Variants in PDZD2 observed in about 807,000 individuals in gnomAD.
PDZD2 encodes PDZ domain-containing protein 2.
In PDZD2, 90 loss-of-function variants were observed where a neutral mutation model predicts 220.7. The ratio of observed to expected loss-of-function variants is 0.41; its 90% confidence interval spans 0.34 to 0.49. PDZD2 has a LOEUF of 0.49. Among genes scored for constraint, PDZD2 ranks in the 20% least tolerant of loss-of-function variants. The pLI is 0.28. For missense variants in PDZD2, 3,174 were observed against 3,608.5 expected, an observed-to-expected ratio of 0.88 and a Z score of 3.08; for synonymous variants, 1,375 against 1,450.5, an observed-to-expected ratio of 0.95 and a Z score of 1.18.
chr5:31,710,543 C>A (rs1388303689), intron 1 of PDZD2, among the ~76,000 whole-genome samples: 1 of 152,104 alleles, frequency 6.6e-6, no homozygotes, highest in Non-Finnish European at 1.5e-5. Context: ...TATGGCCAGG[C>A]GTGGTGGCTC....
At chr5:32,096,624 A>AT (rs1394217462) in intron 21 of PDZD2, among the ~76,000 whole-genome samples, 6 of 151,884 alleles carry the variant, frequency 4.0e-5, no homozygotes, top group South Asian at 2.1e-4. Context: ...TAGCCATGCT[A>AT]TTTTTTTGGC....
chr5:31,775,521 C>T (rs1000832850), intron 1 of PDZD2, among the ~76,000 whole-genome samples: 8 of 152,086 alleles, frequency 5.3e-5, no homozygotes, highest in African/African-American at 1.7e-4. Context: ...AAATTTGTCC[C>T]TACTCCAGTC....
chr5:31,821,770 C>G (rs952668551), intron 2 of PDZD2, among the ~76,000 whole-genome samples: 1 of 152,032 alleles, frequency 6.6e-6, no homozygotes, highest in Non-Finnish European at 1.5e-5. Flanking sequence ...TTGTGGTTTG[C>G]TGCGCCCATC....
chr5:32,097,420 C>G (rs377307292), intron 22 of PDZD2, 40 bp downstream of exon 22: 12 of 1,186,352 alleles, frequency 1.0e-5, no homozygotes, highest in African/African-American at 6.0e-5. Flanking sequence ...AAAATCCCCC[C>G]TCAAGCAGCC....
chr5:31,732,601 G>A (rs1048453253), intron 1 of PDZD2, among the ~76,000 whole-genome samples: 6 of 152,216 alleles, frequency 3.9e-5, no homozygotes, highest in Admixed American at 6.5e-5. Context: ...GCAGATGCTT[G>A]AAAGAATTTG....
chr5:32,012,889 A>G (rs1240789709), intron 6 of PDZD2, among the ~76,000 whole-genome samples: 1 of 151,864 alleles, frequency 6.6e-6, no homozygotes, highest in East Asian at 1.9e-4. Flanking sequence ...TATAATTCTA[A>G]TGACTACATA....
intron 2 of PDZD2, among the ~76,000 whole-genome samples, chr5:31,879,456 T>C (rs1739661068): frequency 6.6e-6 from 1 of 151,706 alleles, no homozygotes; most frequent in Non-Finnish European, 1.5e-5. Flanking sequence ...TCACACACAC[T>C]ATTTTTTTTT....
At chr5:31,907,653 T>C (rs1742776766) in intron 2 of PDZD2, among the ~76,000 whole-genome samples, 1 of 152,182 alleles carries the variant, frequency 6.6e-6, no homozygotes, top group African/African-American at 2.4e-5. Flanking sequence ...AATACAATAT[T>C]TTATATGTTT....
At chr5:31,772,689 A>G (rs79467774) in intron 1 of PDZD2, among the ~76,000 whole-genome samples, 2,927 of 152,310 alleles carry the variant, frequency 0.019, 109 homozygotes, top group African/African-American at 0.068. Flanking sequence ...TTAAATTTCT[A>G]TCTTAAAAGT....
intron 2 of PDZD2, among the ~76,000 whole-genome samples, chr5:31,824,760 T>TA (rs1206299757): frequency 1.3e-5 from 2 of 152,126 alleles, no homozygotes; most frequent in Non-Finnish European, 2.9e-5. Flanking sequence ...TCCCTCATTT[T>TA]AAAATGGGAA....
intron 2 of PDZD2, among the ~76,000 whole-genome samples, chr5:31,915,792 CT>C (rs1561066161): frequency 6.6e-6 from 1 of 152,166 alleles, no homozygotes; most frequent in Non-Finnish European, 1.5e-5. Context: ...TCCACTTGGC[CT>C]TTCTATCTGA....
At chr5:31,835,830 A>G (rs912044960) in intron 2 of PDZD2, among the ~76,000 whole-genome samples, 2 of 152,136 alleles carry the variant, frequency 1.3e-5, no homozygotes, top group Non-Finnish European at 2.9e-5. Context: ...CCTAACACCT[A>G]GTGAAAACTC....
At chr5:31,853,000 A>G (rs2150300888) in intron 2 of PDZD2, among the ~76,000 whole-genome samples, 1 of 152,340 alleles carries the variant, frequency 6.6e-6, no homozygotes, top group East Asian at 1.9e-4. Flanking sequence ...GTTGTGGAAA[A>G]AACACTCAGA....
At position 32,074,667 on chromosome 5, in the gene PDZD2, T is replaced by A. The variant is rs772176960; in HGVS notation, c.3537+24T>A. The A allele has an allele frequency of 2.3e-5, 34 of 1,505,638 alleles. No individual in the cohort carries two copies. In the South Asian group the frequency reaches 4.1e-4, roughly 18 times the overall value. The allele number at this position is 1,505,638 out of a possible 1,614,324, so 93.3% of individuals were successfully genotyped here. ...AGGTAACTGACTTTCTCTTAGTTACTTGGAATGGAAGTGCATGAATATGTG... is the reference window on the plus strand; with the variant it reads ...AGGTAACTGACTTTCTCTTAGTTACATGGAATGGAAGTGCATGAATATGTG... On this transcript the variant is annotated intron_variant, in intron 18 of 24. Transcript: ENST00000438447.
intron 6 of PDZD2, among the ~76,000 whole-genome samples, chr5:32,019,346 GT>G (rs1160078509): frequency 3.3e-5 from 5 of 151,984 alleles, no homozygotes; most frequent in Non-Finnish European, 1.5e-5. Context: ...GTCTCCCTAT[GT>G]TTTCTAGGCT....
Position 32,101,183 on chromosome 5 carries a change from G to C in PDZD2, c.8297G>C (p.Gly2766Ala), listed in dbSNP as rs1161483333. ...TSAGLGLSLD[G>A]GKSSVTGDGP... is the part of the protein sequence containing the mutation. Reference sequence around the variant, plus strand: ...GCTGGGCTGGGACTGAGTCTGGATGGGGGAAAATCATCGGTGACGGGAGAT... The same window carrying C: ...GCTGGGCTGGGACTGAGTCTGGATGCGGGAAAATCATCGGTGACGGGAGAT... The change falls in exon 24 of 25, where the codon GGG (glycine) becomes GCG (alanine). Residue 2766 changes from glycine to alanine, a missense_variant. By Grantham distance (60) the Gly-to-Ala change is moderately conservative. Around this residue, in one of 4 missense-constraint regions of PDZD2, gnomAD observed 631 missense variants for 789.9 expected, o/e 0.80. Coordinates refer to ENST00000438447, the MANE Select transcript of PDZD2 (RefSeq NM_178140.4). The C allele has an allele frequency of 6.2e-7, 1 of 1,613,984 alleles. No individual in the cohort carries two copies. The highest frequency in any genetic ancestry group is 1.3e-5 in the African/African-American group (1 of 74,902).
intron 1 of PDZD2, among the ~76,000 whole-genome samples, chr5:31,793,344 T>A (rs1423179720): frequency 6.6e-6 from 1 of 151,738 alleles, no homozygotes; most frequent in African/African-American, 2.4e-5. Context: ...AGCTACATCT[T>A]TCCTCTTTCA....
At position 32,053,623 on chromosome 5, in the gene PDZD2, AGTTTAACTCCAGGCCTG is replaced by A. The variant is rs1738799363; in HGVS notation, c.1786-142_1786-126del. 6 of 606,024 alleles carry A rather than the reference AGTTTAACTCCAGGCCTG, an allele frequency of 9.9e-6. No individual in the cohort carries two copies. The Admixed American group carries it at 1.7e-4, about 18-fold the overall frequency. The allele number at this position is 606,024 out of a possible 1,614,324, so 37.5% of individuals were successfully genotyped here. On this transcript the variant is annotated intron_variant, in intron 9 of 24. Coordinates refer to ENST00000438447, the MANE Select transcript of PDZD2 (RefSeq NM_178140.4). The stretch of plus-strand genomic sequence containing the variant: ...AACTTGAGTTTGCAGCTAGTTGCTT[AGTTTAACTCCAGGCCTG>A]GTTAGGGAGGGCACTTCAGTTAAAT...
chr5:31,710,637 G>T (rs1042602238), intron 1 of PDZD2, among the ~76,000 whole-genome samples: 2 of 152,130 alleles, frequency 1.3e-5, no homozygotes, highest in Non-Finnish European at 2.9e-5. Flanking sequence ...GGCCAACATG[G>T]TGAAACCCTG....
Sources: gnomAD v4.1 joint callset for allele counts (sites outside exome capture counted in the v4.1 genomes callset) on GRCh38, gnomAD v4.1.1 for gene constraint, gnomAD v4.1.1 regional missense constraint, MANE v1.5 for transcripts, NCBI Gene and HGNC (gene_info 2026-07-23, HGNC 2026-07-21) for gene names.